The following SCAMP1 variants were observed in gnomAD, a reference collection of about 807,000 sequenced individuals.
The protein encoded by SCAMP1 is secretory carrier-associated membrane protein 1.
SCAMP1 carries 15 observed loss-of-function variants against 41.8 expected under a neutral mutation model. The observed-to-expected ratio is 0.36, with a 90% CI of 0.24 to 0.55. The LOEUF (loss-of-function observed/expected upper bound fraction) is 0.55, where lower values mean the gene tolerates loss of function less well. Among genes scored for constraint, SCAMP1 ranks in the 20% least tolerant of loss-of-function variants. The pLI, the probability that SCAMP1 is intolerant of heterozygous loss-of-function variation, is 0.86. For synonymous variants in SCAMP1, 135 were observed against 136.8 expected, an observed-to-expected ratio of 0.99 and a Z score of 0.09; for missense variants, 341 against 412.6, an observed-to-expected ratio of 0.83 and a Z score of 1.50.
At chr5:78,396,935 T>C (rs1202863219) in intron 2 of SCAMP1, among the ~76,000 whole-genome samples, 1 of 152,206 alleles carries the variant, frequency 6.6e-6, no homozygotes, top group Non-Finnish European at 1.5e-5. Context: ...TGGGAGCAAA[T>C]GCCTTACTAA....
At chr5:78,364,089 C>T (rs530399029) in intron 1 of SCAMP1, among the ~76,000 whole-genome samples, 4 of 152,286 alleles carry the variant, frequency 2.6e-5, no homozygotes, top group African/African-American at 7.2e-5. Context: ...CCTTTGTTTT[C>T]TGTTGAGTTT....
Position 78,369,031 on chromosome 5 carries a change from G to A in SCAMP1, c.57+8303G>A, listed in dbSNP as rs571318217. Reference sequence around the variant, plus strand: ...AGATGCCTAATTTCAATATTGTAATGTCTCAGGGAATAGGGAGACCCAAGG... The same window carrying A: ...AGATGCCTAATTTCAATATTGTAATATCTCAGGGAATAGGGAGACCCAAGG... On this transcript the variant is annotated intron_variant, in intron 1 of 8. Coordinates refer to ENST00000621999, the MANE Select transcript of SCAMP1 (RefSeq NM_004866.6). 1.2e-4 allele frequency among the ~76,000 whole-genome samples: 18 copies of A among 151,900 alleles called. No homozygotes were observed. In the South Asian group the frequency reaches 2.7e-3, roughly 23 times the overall value.
chr5:78,441,233 A>G (rs1428329596), intron 6 of SCAMP1, among the ~76,000 whole-genome samples: 1 of 152,174 alleles, frequency 6.6e-6, no homozygotes, highest in African/African-American at 2.4e-5. Context: ...TCCCAGTGAG[A>G]TGAACCAGGT....
intron 6 of SCAMP1, among the ~76,000 whole-genome samples, chr5:78,439,658 C>T (rs1752867181): frequency 6.6e-6 from 1 of 152,162 alleles, no homozygotes; most frequent in Non-Finnish European, 1.5e-5. Context: ...TTTTTTCCTT[C>T]ATTTCAGCCT....
intron 2 of SCAMP1, among the ~76,000 whole-genome samples, chr5:78,406,752 C>A (rs1009470654): frequency 6.6e-6 from 1 of 151,976 alleles, no homozygotes; most frequent in African/African-American, 2.4e-5. Flanking sequence ...TAATTATAAC[C>A]CTTATTTTTC....
intron 8 of SCAMP1, among the ~76,000 whole-genome samples, chr5:78,463,490 C>G (rs1217361603): frequency 6.6e-6 from 1 of 152,222 alleles, no homozygotes; most frequent in African/African-American, 2.4e-5. Flanking sequence ...TTAGTTGCAT[C>G]TTCAATTGGT....
At chr5:78,406,994 A>AC in intron 2 of SCAMP1, among the ~76,000 whole-genome samples, 1 of 152,210 alleles carries the variant, frequency 6.6e-6, no homozygotes, top group East Asian at 1.9e-4. Flanking sequence ...GTAGTGGCAG[A>AC]CACAGTTCTA....
At chr5:78,441,651 T>C (rs1580698426) in intron 6 of SCAMP1, among the ~76,000 whole-genome samples, 1 of 152,084 alleles carries the variant, frequency 6.6e-6, no homozygotes, top group South Asian at 2.1e-4. Flanking sequence ...CCGTCTCTAC[T>C]AAAATTACAA....
chr5:78,464,652 G>A (rs961703915), intron 8 of SCAMP1, among the ~76,000 whole-genome samples: 1 of 141,660 alleles, frequency 7.1e-6, no homozygotes, highest in Non-Finnish European at 1.5e-5. Flanking sequence ...TTTGGTGGCA[G>A]TGCGAAGAAG....
At chr5:78,425,899 T>C (rs1160030192) in intron 6 of SCAMP1, among the ~76,000 whole-genome samples, 1 of 152,102 alleles carries the variant, frequency 6.6e-6, no homozygotes, top group Admixed American at 6.5e-5. Context: ...ATCCAGGTTT[T>C]AAGCCCCGCG....
chr5:78,418,525 A>G (rs1318218926), intron 4 of SCAMP1, among the ~76,000 whole-genome samples: 1 of 152,152 alleles, frequency 6.6e-6, no homozygotes, highest in East Asian at 1.9e-4. Context: ...GGTTCCTGCT[A>G]AACATGGTAT....
At chr5:78,425,619 T>G (rs1469577941) in intron 6 of SCAMP1, among the ~76,000 whole-genome samples, 11 of 152,192 alleles carry the variant, frequency 7.2e-5, no homozygotes. Context: ...TTTTAATCCT[T>G]TTCTACCAAC....
At chr5:78,441,506 A>G (rs1030010317) in intron 6 of SCAMP1, among the ~76,000 whole-genome samples, 81 of 152,320 alleles carry the variant, frequency 5.3e-4, no homozygotes, top group African/African-American at 1.9e-3. Flanking sequence ...AAACTTTTCA[A>G]GTGGTATTAG....
chr5:78,362,188 G>A (rs1284371254), intron 1 of SCAMP1, among the ~76,000 whole-genome samples: 1 of 152,080 alleles, frequency 6.6e-6, no homozygotes. Flanking sequence ...TAAAGAGACC[G>A]TTCATAAATT....
chr5:78,418,880 A>G lies in SCAMP1; in HGVS notation c.449A>G (p.Lys150Arg), dbSNP rs571110143. Reference sequence around the variant, plus strand: ...CCTGTAGAATTCCAAAAGACAGTAAAGCTTATGTACTACTTGTGGATGTGT... The same window carrying G: ...CCTGTAGAATTCCAAAAGACAGTAAGGCTTATGTACTACTTGTGGATGTGT... ...DIPVEFQKTV[K>R]LMYYLWMFHA... Residue 150 changes from lysine (K) to arginine (R), a missense_variant, in exon 5 of 9, where the codon AAG becomes AGG. Transcript: ENST00000621999. The G allele has an allele frequency of 1.3e-6, 2 of 1,577,322 alleles. No individual in the cohort carries two copies. The highest frequency in any genetic ancestry group is 2.4e-5 in the South Asian group (2 of 84,340).
chr5:78,418,820 G>A lies in SCAMP1; in HGVS notation c.389G>A (p.Gly130Glu), dbSNP rs1752269139. The stretch of plus-strand genomic sequence containing the variant: ...CCTCTTCCTAGCAATTTTCCTGTCG[G>A]ACCTTGTTTCTATCAGGATTTTTCT... ...WPPLPSNFPV[G>E]PCFYQDFSVD... Residue 130 changes from glycine to glutamate, a missense_variant, in exon 5 of 9, where the codon GGA becomes GAA. Coordinates refer to ENST00000621999, the MANE Select transcript of SCAMP1 (RefSeq NM_004866.6). 1 of 1,575,018 alleles carries A rather than the reference G, an allele frequency of 6.3e-7. No homozygotes were observed. Among genetic ancestry groups the A allele is most frequent in the Non-Finnish European group, 8.6e-7 (1 of 1,160,290 alleles).
rs558349197 is a variant in SCAMP1, at chr5:78,385,335, T to C, written c.58-3502T>C. Among the ~76,000 whole-genome samples the C allele has an allele frequency of 2.0e-5, 3 of 152,300 alleles. No homozygotes were observed. In the East Asian group the frequency reaches 5.8e-4, roughly 29 times the overall value. Reference sequence around the variant, plus strand: ...TAATTATGCTTATTTGGATCTTTTCTCTTTTTTTCTTGGTTAATATTGCTA... The same window carrying C: ...TAATTATGCTTATTTGGATCTTTTCCCTTTTTTTCTTGGTTAATATTGCTA... On this transcript the variant is annotated intron_variant, in intron 1 of 8. Coordinates refer to ENST00000621999, the MANE Select transcript of SCAMP1 (RefSeq NM_004866.6).
At chr5:78,468,884 G>A (rs1421275157) in intron 8 of SCAMP1, among the ~76,000 whole-genome samples, 1 of 152,112 alleles carries the variant, frequency 6.6e-6, no homozygotes, top group African/African-American at 2.4e-5. Flanking sequence ...TTTCTTAGGT[G>A]AAAAGTGACT....
intron 1 of SCAMP1, among the ~76,000 whole-genome samples, chr5:78,362,658 T>C (rs543943146): frequency 6.6e-6 from 1 of 152,244 alleles, no homozygotes; most frequent in Non-Finnish European, 1.5e-5. Flanking sequence ...TTATGATCTT[T>C]CTCTGTTTTT....
Sources: allele counts gnomAD v4.1 joint callset (sites outside exome capture counted in the v4.1 genomes callset), GRCh38; gene constraint gnomAD v4.1.1; transcripts MANE v1.5; gene names NCBI Gene and HGNC (gene_info 2026-07-23, HGNC 2026-07-21).